The following B3GAT2 variants were observed in gnomAD, a reference collection of about 807,000 sequenced individuals.
The protein encoded by B3GAT2 is galactosylgalactosylxylosylprotein 3-beta-glucuronosyltransferase 2.
In B3GAT2, 26 loss-of-function variants were observed where a neutral mutation model predicts 27.8. That is an observed-to-expected ratio of 0.93 (90% CI 0.68 to 1.30). B3GAT2 has a LOEUF of 1.30. B3GAT2 is among the 50% of genes most tolerant of loss of function. B3GAT2 has a pLI of 0.00. For synonymous variants in B3GAT2, 218 were observed against 195.1 expected, an observed-to-expected ratio of 1.12 and a Z score of -0.98; for missense variants, 458 against 459.0, an observed-to-expected ratio of 1.00 and a Z score of 0.02.
In B3GAT2 at chr6:70,861,920, A is replaced by G; in HGVS notation, c.795T>C (p.Arg265=). Reference sequence around the variant, plus strand: ...ATTCTTGCATCCCTGGCTGGGATCCACGACGCTTAAATACAGCTTTTGGAT... The same window carrying G: ...ATTCTTGCATCCCTGGCTGGGATCCGCGACGCTTAAATACAGCTTTTGGAT... The part of the protein sequence containing the change: ...LSNPKAVFKR[R]GSQPGMQESD... Residue 265 remains arginine (R), a synonymous_variant, in exon 3 of 4, where the codon CGT becomes CGC. Transcript: ENST00000230053. 1 of 1,614,052 alleles carries G rather than the reference A, an allele frequency of 6.2e-7. No homozygotes were observed. The highest frequency in any genetic ancestry group is 8.5e-7 in the Non-Finnish European group (1 of 1,179,956).
chr6:70,861,237 T>C lies in B3GAT2; in HGVS notation c.*426A>G, dbSNP rs903012309. 6 of 174,310 alleles carry C rather than the reference T, an allele frequency of 3.4e-5. No individual in the cohort carries two copies. Among genetic ancestry groups the C allele is most frequent in the African/African-American group, 1.2e-4 (5 of 42,204 alleles). 10.8% of individuals were successfully genotyped at this position (174,310 alleles called of 1,614,324 possible). On this transcript the variant is annotated 3_prime_UTR_variant, in exon 4 of 4. Transcript: ENST00000230053. ...CTAACCTTCCAAAAATTACTTAGTA[T>C]TGCAAAGTCAGGAATCATCAGGAAC...
At chr6:70,936,672 G>C (rs1249205619) in intron 1 of B3GAT2, among the ~76,000 whole-genome samples, 1 of 152,036 alleles carries the variant, frequency 6.6e-6, no homozygotes, top group Non-Finnish European at 1.5e-5. Context: ...ATAACGAAAT[G>C]AAGGCAGAAA....
chr6:70,931,605 T>G (rs1228469989), intron 1 of B3GAT2, among the ~76,000 whole-genome samples: 1 of 152,056 alleles, frequency 6.6e-6, no homozygotes, highest in Non-Finnish European at 1.5e-5. Context: ...AAGAGTCTTT[T>G]TGACAAATGC....
At chr6:70,897,097 A>T (rs1772399679) in intron 1 of B3GAT2, among the ~76,000 whole-genome samples, 1 of 152,164 alleles carries the variant, frequency 6.6e-6, no homozygotes, top group Non-Finnish European at 1.5e-5. Context: ...CAATTTCAGT[A>T]ATTCTAATAC....
intron 1 of B3GAT2, among the ~76,000 whole-genome samples, chr6:70,932,209 A>C (rs1773073332): frequency 6.6e-6 from 1 of 152,188 alleles, no homozygotes; most frequent in African/African-American, 2.4e-5. Flanking sequence ...GAAATGTAAA[A>C]TGGTGTAACT....
intron 2 of B3GAT2, among the ~76,000 whole-genome samples, chr6:70,872,186 G>A (rs528023123): frequency 6.6e-6 from 1 of 151,822 alleles, no homozygotes; most frequent in Non-Finnish European, 1.5e-5. Context: ...TGGGTGGAGT[G>A]TTCTATAGAT....
At chr6:70,947,500 C>G (rs958916627) in intron 1 of B3GAT2, among the ~76,000 whole-genome samples, 3 of 152,168 alleles carry the variant, frequency 2.0e-5, no homozygotes, top group African/African-American at 4.8e-5. Flanking sequence ...ATAAATTCCT[C>G]GACACATACA....
intron 1 of B3GAT2, among the ~76,000 whole-genome samples, chr6:70,916,260 T>G (rs911906038): frequency 1.3e-5 from 2 of 152,120 alleles, no homozygotes; most frequent in Non-Finnish European, 2.9e-5. Flanking sequence ...TGTATCCTGA[T>G]ACTTTGCTGA....
intron 1 of B3GAT2, among the ~76,000 whole-genome samples, chr6:70,937,012 C>A (rs1765292831): frequency 6.6e-6 from 1 of 151,696 alleles, no homozygotes; most frequent in East Asian, 1.9e-4. Context: ...ACTAGCAAGA[C>A]TAATAAAGAA....
intron 1 of B3GAT2, among the ~76,000 whole-genome samples, chr6:70,908,567 T>TACA (rs1772637478): frequency 6.6e-6 from 1 of 152,164 alleles, no homozygotes; most frequent in Admixed American, 6.6e-5. Context: ...AAAAACATGG[T>TACA]ACAACATGAA....
chr6:70,915,406 T>C (rs184712749), intron 1 of B3GAT2, among the ~76,000 whole-genome samples: 2 of 152,362 alleles, frequency 1.3e-5, no homozygotes, highest in Admixed American at 1.3e-4. Flanking sequence ...GCTGTTTAGT[T>C]TAATTAGATG....
At chr6:70,937,317 A>G (rs1223128322) in intron 1 of B3GAT2, among the ~76,000 whole-genome samples, 2 of 151,010 alleles carry the variant, frequency 1.3e-5, no homozygotes, top group Non-Finnish European at 3.0e-5. Context: ...GAATTCTACC[A>G]GAGGTACAAG....
In B3GAT2 at chr6:70,858,176, C is replaced by T; in HGVS notation, c.*3487G>A. On this transcript the variant is annotated 3_prime_UTR_variant, in exon 4 of 4. Coordinates refer to ENST00000230053, the MANE Select transcript of B3GAT2 (RefSeq NM_080742.3). ...AATGGTGGGACAAATGGGTGCACCC[C>T]AGAGTAAGTTTGGCCTGCCGCAAGC... 1 of 1,613,778 alleles carries T rather than the reference C, an allele frequency of 6.2e-7. No homozygotes were observed. Among genetic ancestry groups the T allele is most frequent in the Non-Finnish European group, 8.5e-7 (1 of 1,179,960 alleles).
intron 2 of B3GAT2, among the ~76,000 whole-genome samples, chr6:70,873,621 C>T (rs1032365716): frequency 2.0e-5 from 3 of 151,966 alleles, no homozygotes; most frequent in Non-Finnish European, 4.4e-5. Context: ...TTGGGAAGTT[C>T]TAACATTTTT....
intron 1 of B3GAT2, among the ~76,000 whole-genome samples, chr6:70,920,253 T>C (rs1432860985): frequency 6.6e-6 from 1 of 152,206 alleles, no homozygotes; most frequent in Admixed American, 6.5e-5. Flanking sequence ...AATCTTCCGG[T>C]CTGCCTGTTG....
rs546649224 is a variant in B3GAT2, at chr6:70,919,147, A to T, written c.592-24875T>A. 2.0e-5 allele frequency among the ~76,000 whole-genome samples: 3 copies of T among 152,114 alleles called. No individual in the cohort carries two copies. The South Asian group carries it at 6.2e-4, about 32-fold the overall frequency. On this transcript the variant is annotated intron_variant, in intron 1 of 3. Coordinates refer to ENST00000230053, the MANE Select transcript of B3GAT2 (RefSeq NM_080742.3). ...CTTCTTGCTTTATTTCATTAATTTGATCTTCAATCACTGATATCCTTTCTT... is the reference window on the plus strand; with the variant it reads ...CTTCTTGCTTTATTTCATTAATTTGTTCTTCAATCACTGATATCCTTTCTT...
In B3GAT2 at chr6:70,869,097, T is replaced by A. The variant is rs372600879; in HGVS notation, c.737-7119A>T. On this transcript the variant is annotated intron_variant, in intron 2 of 3. Transcript: ENST00000230053. ...ACCTTTGGCAAAAATCAACTGACCA[T>A]AAATGATTTATTTCTACACTGTCAG... Among the ~76,000 whole-genome samples, 9 of 152,332 alleles carry A rather than the reference T, an allele frequency of 5.9e-5. No individual in the cohort carries two copies. In the East Asian group the frequency reaches 1.5e-3, roughly 26 times the overall value.
At chr6:70,925,356 A>C (rs1398273967) in intron 1 of B3GAT2, among the ~76,000 whole-genome samples, 1 of 152,200 alleles carries the variant, frequency 6.6e-6, no homozygotes, top group Non-Finnish European at 1.5e-5. Flanking sequence ...GCATCACCTC[A>C]CCCTGGAAGC....
chr6:70,865,560 G>A (rs1293804952), intron 2 of B3GAT2, among the ~76,000 whole-genome samples: 1 of 152,164 alleles, frequency 6.6e-6, no homozygotes, highest in African/African-American at 2.4e-5. Context: ...TCAGGGACTT[G>A]AGCGTCCATG....
Sources: gnomAD v4.1 joint callset for allele counts (sites outside exome capture counted in the v4.1 genomes callset) on GRCh38, gnomAD v4.1.1 for gene constraint, MANE v1.5 for transcripts, NCBI Gene and HGNC (gene_info 2026-07-23, HGNC 2026-07-21) for gene names.